Variants in SAMD8 observed in about 807,000 individuals in gnomAD.
The protein encoded by SAMD8 is sphingomyelin synthase-related protein 1.
SAMD8 carries 20 observed loss-of-function variants against 42.0 expected under a neutral mutation model. That is an observed-to-expected ratio of 0.48 (90% CI 0.34 to 0.69). The LOEUF (loss-of-function observed/expected upper bound fraction) is 0.69. SAMD8 is among the 30% of genes least tolerant of loss of function. SAMD8 has a pLI of 0.01. For synonymous variants in SAMD8, 162 were observed against 173.0 expected, an observed-to-expected ratio of 0.94 and a Z score of 0.50; for missense variants, 328 against 511.6, an observed-to-expected ratio of 0.64 and a Z score of 3.46.
intron 1 of SAMD8, among the ~76,000 whole-genome samples, chr10:75,146,753 A>G (rs370379752): frequency 4.1e-4 from 62 of 152,182 alleles, no homozygotes; most frequent in Non-Finnish European, 6.0e-4. Flanking sequence ...TTACTAATCT[A>G]ATTTCCTTAT....
chr10:75,176,049 A>G lies in SAMD8; in HGVS notation c.793-17A>G, dbSNP rs767391463. ...CCCTAAGCATTTGAAGCACTAATTC[A>G]TAACTTTTCTTCATAGATATATGGC... On this transcript the variant is annotated splice_polypyrimidine_tract_variant and intron_variant, in intron 4 of 5. Coordinates refer to ENST00000542569, the MANE Select transcript of SAMD8 (RefSeq NM_001174156.2). The surrounding 1 kb of genome is among the most constrained non-coding windows in gnomAD (Gnocchi z 4.3). 6.2e-6 allele frequency: 10 copies of G among 1,605,708 alleles called. No homozygotes were observed. Among genetic ancestry groups the G allele is most frequent in the Non-Finnish European group, 6.8e-6 (8 of 1,175,518 alleles).
chr10:75,173,136 A>G (rs1262764795), intron 4 of SAMD8, among the ~76,000 whole-genome samples: 1 of 152,186 alleles, frequency 6.6e-6, no homozygotes, highest in African/African-American at 2.4e-5. Flanking sequence ...GACTGTTTTT[A>G]TCAGTTGGTT....
upstream of SAMD8, chr10:75,108,223 G>T (rs1848635572): frequency 1.3e-6 from 2 of 1,584,156 alleles, no homozygotes; most frequent in South Asian, 2.3e-5. Context: ...GGGAGGGCAG[G>T]AAGGGCACTT....
intron 1 of SAMD8, among the ~76,000 whole-genome samples, chr10:75,138,011 G>A (rs1033259602): frequency 6.6e-6 from 1 of 152,144 alleles, no homozygotes; most frequent in Non-Finnish European, 1.5e-5. Context: ...GGAGAATTAT[G>A]TGCATGTGGT....
chr10:75,105,940 A>C, intron 1 of SAMD8: 1 of 1,439,142 alleles, frequency 6.9e-7, no homozygotes, highest in Non-Finnish European at 9.5e-7. Flanking sequence ...TGGGGACCCA[A>C]GTTCCTTTCC....
At chr10:75,107,737 C>T (rs1460628470), upstream of SAMD8, among the ~76,000 whole-genome samples, 4 of 152,102 alleles carry the variant, frequency 2.6e-5, no homozygotes, top group South Asian at 2.1e-4. Context: ...CCACCATGCC[C>T]GGCTAATATT....
intron 1 of SAMD8, chr10:75,125,294 G>T (rs1250717078): frequency 6.6e-6 from 1 of 152,154 alleles, no homozygotes; most frequent in Non-Finnish European, 1.5e-5. Context: ...CATGATGTAT[G>T]CCCAGGGACA....
chr10:75,141,818 G>T (rs1840023076), intron 1 of SAMD8, among the ~76,000 whole-genome samples: 1 of 151,836 alleles, frequency 6.6e-6, no homozygotes, highest in African/African-American at 2.4e-5. Context: ...TGGGATTACA[G>T]GCGTGAGCCA....
intron 1 of SAMD8, among the ~76,000 whole-genome samples, chr10:75,104,433 G>A (rs1479959618): frequency 6.6e-6 from 1 of 152,136 alleles, no homozygotes; most frequent in Non-Finnish European, 1.5e-5. Context: ...ATTGTGCAAT[G>A]CTGTACCCCT....
At chr10:75,148,150 T>G (rs933272227) in intron 1 of SAMD8, among the ~76,000 whole-genome samples, 1 of 152,096 alleles carries the variant, frequency 6.6e-6, no homozygotes, top group African/African-American at 2.4e-5. Flanking sequence ...AATAAAGAAA[T>G]AAATACTTAA....
intron 1 of SAMD8, among the ~76,000 whole-genome samples, chr10:75,135,336 C>T (rs1849368716): frequency 6.6e-6 from 1 of 151,694 alleles, no homozygotes; most frequent in African/African-American, 2.4e-5. Flanking sequence ...GCCTGTAATC[C>T]CAGCTACTCA....
upstream of SAMD8, among the ~76,000 whole-genome samples, chr10:75,108,679 CAG>C (rs1848666783): frequency 6.6e-6 from 1 of 152,222 alleles, no homozygotes; most frequent in Non-Finnish European, 1.5e-5. Context: ...GGCCCAGAAA[CAG>C]GGGGCTCTCT....
rs113399302 is a variant in SAMD8 at position 75,169,418 on chromosome 10, G to T, written c.792+760G>T. On this transcript the variant is annotated intron_variant, in intron 4 of 5. Coordinates refer to ENST00000542569, the MANE Select transcript of SAMD8 (RefSeq NM_001174156.2). ...AATCGCTTGAACCTGGGAGGCGGAG[G>T]TTGTAGTGAGCCGAGATCGCACCAC... is the stretch of plus-strand genomic sequence containing the variant. 3.3e-3 allele frequency among the ~76,000 whole-genome samples: 502 copies of T among 151,574 alleles called. 1 individual carries two copies. The highest frequency in any genetic ancestry group is 0.012 in the African/African-American group (479 of 41,292).
Position 75,168,577 on chromosome 10 carries a change from A to G in SAMD8, c.711A>G (p.Gly237=), listed in dbSNP as rs761432428. The G allele has an allele frequency of 6.2e-7, 1 of 1,613,756 alleles. No individual in the cohort carries two copies. The highest frequency in any genetic ancestry group is 8.5e-7 in the Non-Finnish European group (1 of 1,179,854). The stretch of plus-strand genomic sequence containing the variant: ...TGCGAAGGCTCTGTAGTCTGATGGG[A>G]ACTGTATTCTTGCTTCGCTGCTTTA... ...ILLRRLCSLM[G]TVFLLRCFTM... is the part of the protein sequence containing the mutation. Residue 237 remains glycine (G), a synonymous_variant, in exon 4 of 6, where the codon GGA becomes GGG. Coordinates refer to ENST00000542569, the MANE Select transcript of SAMD8 (RefSeq NM_001174156.2).
chr10:75,114,270 C>T (rs1007867156), intron 1 of SAMD8, among the ~76,000 whole-genome samples: 1 of 148,792 alleles, frequency 6.7e-6, no homozygotes, highest in Non-Finnish European at 1.5e-5. Flanking sequence ...ACCCGGGAAG[C>T]AGAGGTTGTG....
chr10:75,149,155 A>G (rs117315563), intron 1 of SAMD8, among the ~76,000 whole-genome samples: 1 of 152,344 alleles, frequency 6.6e-6, no homozygotes, highest in Non-Finnish European at 1.5e-5. Flanking sequence ...TACAGGCTTT[A>G]ATAGTTGAGA....
upstream of SAMD8, among the ~76,000 whole-genome samples, chr10:75,111,133 GATGTTTAT>G (rs545920718): frequency 1.7e-4 from 26 of 152,320 alleles, no homozygotes; most frequent in East Asian, 4.8e-3. Flanking sequence ...GATTAAATGA[GATGTTTAT>G]ATGGCGTTTG....
chr10:75,143,263 G>A (rs1564684801), intron 1 of SAMD8, among the ~76,000 whole-genome samples: 1 of 152,226 alleles, frequency 6.6e-6, no homozygotes, highest in Non-Finnish European at 1.5e-5. Context: ...CCTAGGTCAT[G>A]CCACTGCACT....
chr10:75,108,092 G>T (rs1396360773), upstream of SAMD8: 16 of 1,613,888 alleles, frequency 9.9e-6, no homozygotes, highest in Non-Finnish European at 1.4e-5. Context: ...CCCCCAGGTA[G>T]CTCACACTGC....
Sources: allele counts gnomAD v4.1 joint callset (sites outside exome capture counted in the v4.1 genomes callset), GRCh38; gene constraint gnomAD v4.1.1; non-coding constraint Gnocchi (gnomAD v3.1); transcripts MANE v1.5; gene names NCBI Gene and HGNC (gene_info 2026-07-23, HGNC 2026-07-21).